Variants in MAML2 observed in about 807,000 individuals in gnomAD.
MAML2 encodes the protein mastermind like transcriptional coactivator 2, also known as mastermind-like protein 2.
In MAML2, 22 loss-of-function variants were observed where a neutral mutation model predicts 96.1. That is an observed-to-expected ratio of 0.23 (90% confidence interval 0.16 to 0.33). The LOEUF is 0.33. Ranked by LOEUF, MAML2 falls within the 10% of genes least tolerant of loss-of-function variation. The probability of loss-of-function intolerance (pLI) is 1.00; values close to 1 mark genes in which losing one functional copy is unlikely to be tolerated. For synonymous variants in MAML2, 561 were observed against 521.3 expected (o/e 1.08, Z -1.04); for missense variants, 1,367 against 1,392.4 (o/e 0.98, Z 0.29).
chr11:96,020,683 G>A (rs771575088), intron 2 of MAML2, among the ~76,000 whole-genome samples: 61 of 152,316 alleles, frequency 4.0e-4, no homozygotes, highest in Admixed American at 1.6e-3. Flanking sequence ...TAAGGTGGTA[G>A]GGAGTTATTG....
At chr11:96,186,781 G>A (rs1353770107) in intron 1 of MAML2, among the ~76,000 whole-genome samples, 1 of 152,204 alleles carries the variant, frequency 6.6e-6, no homozygotes, top group Non-Finnish European at 1.5e-5. Context: ...TACATAGTAG[G>A]TGAGTGTTAG....
At chr11:96,332,723 T>A (rs956704799) in intron 1 of MAML2, among the ~76,000 whole-genome samples, 1 of 152,218 alleles carries the variant, frequency 6.6e-6, no homozygotes, top group African/African-American at 2.4e-5. Context: ...GTTTAGCAAG[T>A]ATCAGAAACT....
chr11:96,146,148 CA>C (rs1248550306), intron 1 of MAML2, among the ~76,000 whole-genome samples: 1 of 152,182 alleles, frequency 6.6e-6, no homozygotes, highest in African/African-American at 2.4e-5. Context: ...ATATCCATAT[CA>C]TTGTGGTAGC....
At position 96,236,816 on chromosome 11, in the gene MAML2, C is replaced by A. The variant is rs1172577377; in HGVS notation, c.513+104567G>T. On this transcript the variant is annotated intron_variant, in intron 1 of 4. Coordinates refer to ENST00000524717, the MANE Select transcript of MAML2 (RefSeq NM_032427.4). ...TGGTTACTGTCTTCTTAGTAAATAT[C>A]TATGGTATACTGAGCTCTCTGCCTT... 1.3e-5 allele frequency among the ~76,000 whole-genome samples: 2 copies of A among 152,130 alleles called. 1 individual carries two copies.
At chr11:96,026,959 T>C (rs992425807) in intron 2 of MAML2, among the ~76,000 whole-genome samples, 2 of 152,156 alleles carry the variant, frequency 1.3e-5, no homozygotes, top group African/African-American at 2.4e-5. Context: ...CCCTGGCACA[T>C]AGTAAGTACT....
intron 4 of MAML2, among the ~76,000 whole-genome samples, chr11:95,982,964 T>C (rs1373303795): frequency 6.6e-6 from 1 of 152,236 alleles, no homozygotes; most frequent in East Asian, 1.9e-4. Flanking sequence ...ACATTTTTTA[T>C]CTTCCTTTAT....
intron 2 of MAML2, among the ~76,000 whole-genome samples, chr11:96,064,045 ATGT>A (rs1281489143): frequency 6.6e-6 from 1 of 152,190 alleles, no homozygotes; most frequent in Non-Finnish European, 1.5e-5. Flanking sequence ...TGGCTGTAGG[ATGT>A]TGTTGTACAG....
At chr11:96,064,782 G>C (rs768023642) in intron 2 of MAML2, among the ~76,000 whole-genome samples, 9 of 152,180 alleles carry the variant, frequency 5.9e-5, no homozygotes, top group Non-Finnish European at 1.2e-4. Flanking sequence ...AACTAACAAT[G>C]TAAAGTGCTT....
At chr11:96,053,975 T>A (rs775113552) in intron 2 of MAML2, among the ~76,000 whole-genome samples, 8 of 152,032 alleles carry the variant, frequency 5.3e-5, no homozygotes, top group Non-Finnish European at 1.0e-4. Flanking sequence ...TGAGAGCTCT[T>A]CATGTAAGAA....
chr11:96,263,259 G>A (rs913943206), intron 1 of MAML2, among the ~76,000 whole-genome samples: 8 of 152,154 alleles, frequency 5.3e-5, no homozygotes, highest in Non-Finnish European at 7.3e-5. Flanking sequence ...TGAATACACT[G>A]CCTGTCATTG....
chr11:96,074,281 T>A (rs558868872), intron 2 of MAML2, among the ~76,000 whole-genome samples: 5 of 152,358 alleles, frequency 3.3e-5, no homozygotes, highest in Admixed American at 1.3e-4. Context: ...TGGCTTTCGA[T>A]AAGCTCAGAT....
intron 2 of MAML2, among the ~76,000 whole-genome samples, chr11:96,023,853 A>ATTAG (rs1239759878): frequency 6.6e-6 from 1 of 152,228 alleles, no homozygotes; most frequent in Non-Finnish European, 1.5e-5. Flanking sequence ...ATGTGAGGTT[A>ATTAG]TTAGGATGAG....
At chr11:96,056,698 C>G (rs1859075883) in intron 2 of MAML2, among the ~76,000 whole-genome samples, 1 of 152,198 alleles carries the variant, frequency 6.6e-6, no homozygotes, top group Admixed American at 6.5e-5. Flanking sequence ...GACATCTTGG[C>G]TTCCAGAGAA....
At chr11:96,004,133 A>G (rs557992198) in intron 2 of MAML2, among the ~76,000 whole-genome samples, 31 of 152,316 alleles carry the variant, frequency 2.0e-4, no homozygotes, top group African/African-American at 7.0e-4. Context: ...TATACATTAG[A>G]AACTAGTTTT....
chr11:96,251,586 T>G (rs1862582015), intron 1 of MAML2, among the ~76,000 whole-genome samples: 1 of 152,210 alleles, frequency 6.6e-6, no homozygotes, highest in African/African-American at 2.4e-5. Context: ...AAGACAGGTA[T>G]GTTTTAACCT....
At chr11:96,286,136 A>G (rs956850852) in intron 1 of MAML2, among the ~76,000 whole-genome samples, 11 of 152,248 alleles carry the variant, frequency 7.2e-5, no homozygotes, top group African/African-American at 2.7e-4. Flanking sequence ...ATGGAATACT[A>G]TACAGCCATA....
chr11:96,237,872 T>C (rs1460158964), intron 1 of MAML2, among the ~76,000 whole-genome samples: 2 of 152,260 alleles, frequency 1.3e-5, no homozygotes, highest in South Asian at 4.1e-4. Flanking sequence ...ACAAACACTT[T>C]GTTTGAATGC....
chr11:95,991,397 C>A (rs1857908998), intron 3 of MAML2, 123 bp downstream of exon 3: 22 of 902,308 alleles, frequency 2.4e-5, no homozygotes, highest in Non-Finnish European at 3.8e-5. Flanking sequence ...ATTATCCTCT[C>A]TTACAGTCAG....
chr11:96,130,436 G>C (rs898766757), intron 1 of MAML2, among the ~76,000 whole-genome samples: 1 of 152,092 alleles, frequency 6.6e-6, no homozygotes, highest in Non-Finnish European at 1.5e-5. Context: ...GTTAGAGAGG[G>C]ATAAGTAAGA....
Sources: allele counts gnomAD v4.1 joint callset (sites outside exome capture counted in the v4.1 genomes callset), GRCh38; gene constraint gnomAD v4.1.1; transcripts MANE v1.5; gene names NCBI Gene and HGNC (gene_info 2026-07-23, HGNC 2026-07-21).